The following PTPRD variants were observed in gnomAD, a reference collection of about 807,000 sequenced individuals.
PTPRD encodes receptor-type tyrosine-protein phosphatase delta.
A neutral mutation model predicts 214.5 loss-of-function variants in PTPRD; 34 were observed. That is an observed-to-expected ratio of 0.16 (90% CI 0.12 to 0.21). The LOEUF (loss-of-function observed/expected upper bound fraction) is 0.21. PTPRD is among the 10% of genes least tolerant of loss of function. The pLI, the probability that PTPRD is intolerant of heterozygous loss-of-function variation, is 1.00. For missense variants in PTPRD, 2,545 were observed against 2,398.7 expected (o/e 1.06, Z -1.27); for synonymous variants, 1,128 against 845.7 (o/e 1.33, Z -5.79).
intron 2 of PTPRD, among the ~76,000 whole-genome samples, chr9:10,482,912 TC>T (rs2099109933): frequency 6.6e-6 from 1 of 152,128 alleles, no homozygotes; most frequent in African/African-American, 2.4e-5. Flanking sequence ...ACAACATGAT[TC>T]TTTACAGAAT....
In PTPRD at chr9:8,331,695, G is replaced by A. The variant is rs777045008; in HGVS notation, c.5421C>T (p.Asp1807=). The A allele has an allele frequency of 6.2e-7, 1 of 1,613,156 alleles. No homozygotes were observed. The highest frequency in any genetic ancestry group is 8.5e-7 in the Non-Finnish European group (1 of 1,179,680). ...ACTTTGGCACTCCTTGCTCTGGCCA[G>A]TCAGTGAACTGGAACTGCCTTACTG... ...SRTVRQFQFT[D]WPEQGVPKSG... The change falls in exon 44 of 46, where the codon GAC becomes GAT. Residue 1807 remains aspartate, a synonymous_variant. Transcript: ENST00000381196.
At chr9:10,164,868 G>A (rs985928681) in intron 3 of PTPRD, among the ~76,000 whole-genome samples, 4 of 150,436 alleles carry the variant, frequency 2.7e-5, no homozygotes, top group Non-Finnish European at 5.9e-5. Context: ...GAGCTTGGAA[G>A]GGGACATGGA....
At chr9:8,488,163 T>C (rs930896940) in intron 27 of PTPRD, among the ~76,000 whole-genome samples, 115 of 152,250 alleles carry the variant, frequency 7.6e-4, no homozygotes, top group Non-Finnish European at 1.6e-3. Context: ...TATGAGACAA[T>C]ACATAGAATA....
In PTPRD at chr9:8,948,491, A is replaced by T. The variant is rs1261560561; in HGVS notation, c.-104+70206T>A. Among the ~76,000 whole-genome samples, 6 of 54,116 alleles carry T rather than the reference A, an allele frequency of 1.1e-4. 1 individual carries two copies. The highest frequency in any genetic ancestry group is 4.4e-4 in the African/African-American group (6 of 13,496). 35.5% of individuals were successfully genotyped at this position (54,116 alleles called of 152,430 possible). A position where few individuals can be genotyped will look rare whatever the true frequency, so the allele number is the denominator to read the frequency against. On this transcript the variant is annotated intron_variant, in intron 11 of 45. Coordinates refer to ENST00000381196, the MANE Select transcript of PTPRD (RefSeq NM_002839.4). ...TACATATATATATATTTATATATAT[A>T]TTTATATATATATTTATATATATAT...
intron 3 of PTPRD, among the ~76,000 whole-genome samples, chr9:10,035,835 T>A (rs1025719067): frequency 3.3e-5 from 5 of 150,436 alleles, no homozygotes; most frequent in Admixed American, 6.7e-5. Context: ...AAAAAAAAAA[T>A]AGGCATGAAA....
At chr9:9,075,396 C>T (rs558497306) in intron 10 of PTPRD, among the ~76,000 whole-genome samples, 50 of 151,744 alleles carry the variant, frequency 3.3e-4, no homozygotes, top group African/African-American at 7.5e-4. Context: ...ATTATTCATT[C>T]GATATCGGTA....
At chr9:10,244,768 T>A (rs569331412) in intron 3 of PTPRD, among the ~76,000 whole-genome samples, 1 of 152,250 alleles carries the variant, frequency 6.6e-6, no homozygotes, top group African/African-American at 2.4e-5. Context: ...GTTTGCACCT[T>A]CTTTAATGGA....
chr9:9,751,008 G>T (rs1233188520), intron 6 of PTPRD, among the ~76,000 whole-genome samples: 2 of 152,056 alleles, frequency 1.3e-5, no homozygotes, highest in Non-Finnish European at 2.9e-5. Flanking sequence ...GCCTAATTTT[G>T]ATTTTCCAAT....
intron 7 of PTPRD, among the ~76,000 whole-genome samples, chr9:9,699,910 T>C (rs143066606): frequency 6.6e-6 from 1 of 152,316 alleles, no homozygotes; most frequent in East Asian, 1.9e-4. Context: ...TTTTGTGAGA[T>C]AACCCTGTAC....
chr9:9,751,030 G>T (rs1009576555), intron 6 of PTPRD, among the ~76,000 whole-genome samples: 3 of 152,042 alleles, frequency 2.0e-5, no homozygotes, highest in Non-Finnish European at 4.4e-5. Flanking sequence ...CAACTTACAC[G>T]ACTTCAGAAT....
chr9:8,557,455 T>TATATATATATACACACATACACATAC lies in PTPRD; in HGVS notation c.353-28677_353-28676insGTATGTGTATGTGTGTATATATATAT. ...AAATACATATATATATATATATATA[T>TATATATATATACACACATACACATAC]ATTTGGGCCGGGCGCGGTGGCTCAT... On this transcript the variant is annotated intron_variant, in intron 14 of 45. Coordinates refer to ENST00000381196, the MANE Select transcript of PTPRD (RefSeq NM_002839.4). Among the ~76,000 whole-genome samples, 24 of 135,626 alleles carry TATATATATATACACACATACACATAC rather than the reference T, an allele frequency of 1.8e-4. 1 individual carries two copies. The highest frequency in any genetic ancestry group is 8.0e-4 in the African/African-American group (23 of 28,792). The allele number at this position is 135,626 out of a possible 152,430, so 89.0% of individuals were successfully genotyped here. A position where few individuals can be genotyped will look rare whatever the true frequency, so the allele number is the denominator to read the frequency against.
At chr9:10,312,737 G>A (rs1383233502) in intron 3 of PTPRD, among the ~76,000 whole-genome samples, 1 of 151,794 alleles carries the variant, frequency 6.6e-6, no homozygotes, top group Non-Finnish European at 1.5e-5. Context: ...TGCTAAAGTA[G>A]CAAGTCACCC....
chr9:9,652,403 C>G (rs1437697650), intron 7 of PTPRD, among the ~76,000 whole-genome samples: 1 of 152,070 alleles, frequency 6.6e-6, no homozygotes, highest in East Asian at 1.9e-4. Flanking sequence ...AACCTTATCT[C>G]CTACATAATG....
At chr9:10,436,605 A>G (rs548842545) in intron 2 of PTPRD, among the ~76,000 whole-genome samples, 1 of 151,902 alleles carries the variant, frequency 6.6e-6, no homozygotes, top group South Asian at 2.1e-4. Flanking sequence ...ACACACATAT[A>G]CACACACACC....
Position 9,828,518 on chromosome 9 carries a change from G to A in PTPRD, c.-367-61667C>T, listed in dbSNP as rs539458533. ...GTCTGTTGTGAGGTGTGGGGAGAGG[G>A]GAGGGATAGCATTAGGAGATATACT... On this transcript the variant is annotated intron_variant, in intron 5 of 45. Coordinates refer to ENST00000381196, the MANE Select transcript of PTPRD (RefSeq NM_002839.4). Among the ~76,000 whole-genome samples, 19 of 152,160 alleles carry A rather than the reference G, an allele frequency of 1.2e-4. No homozygotes were observed. In the East Asian group the frequency reaches 3.5e-3, roughly 28 times the overall value.
At chr9:9,676,022 A>C (rs1286436612) in intron 7 of PTPRD, among the ~76,000 whole-genome samples, 1 of 152,136 alleles carries the variant, frequency 6.6e-6, no homozygotes, top group Non-Finnish European at 1.5e-5. Context: ...AAAAATACAA[A>C]TATCATTTAT....
chr9:9,031,422 C>T (rs1240310986), intron 10 of PTPRD, among the ~76,000 whole-genome samples: 2 of 151,982 alleles, frequency 1.3e-5, no homozygotes, highest in Non-Finnish European at 2.9e-5. Context: ...GCGGTATAGC[C>T]TATAGCTCCT....
intron 3 of PTPRD, among the ~76,000 whole-genome samples, chr9:10,070,143 G>A (rs142929721): frequency 6.6e-6 from 1 of 152,204 alleles, no homozygotes; most frequent in South Asian, 2.1e-4. Flanking sequence ...ATATGGGCCA[G>A]TTGGGCACAG....
chr9:8,450,014 C>G (rs755067211), intron 33 of PTPRD, among the ~76,000 whole-genome samples, 177 bp from the exon 34 acceptor site: 2 of 152,092 alleles, frequency 1.3e-5, no homozygotes, highest in Non-Finnish European at 2.9e-5. Flanking sequence ...TAATTGTTCT[C>G]TCAGGTCTAA....
Sources: allele counts gnomAD v4.1 joint callset (sites outside exome capture counted in the v4.1 genomes callset), GRCh38; gene constraint gnomAD v4.1.1; transcripts MANE v1.5; gene names NCBI Gene and HGNC (gene_info 2026-07-23, HGNC 2026-07-21).